PDCD6IP: variants seen among roughly 807,000 people sequenced by gnomAD.
The protein encoded by PDCD6IP is programmed cell death 6 interacting protein.
A neutral mutation model predicts 103.7 loss-of-function variants in PDCD6IP; 43 were observed. The ratio of observed to expected loss-of-function variants is 0.41; its 90% CI spans 0.32 to 0.53. PDCD6IP has a LOEUF of 0.53. PDCD6IP is among the 20% of genes least tolerant of loss of function. The pLI is 0.16. For synonymous variants in PDCD6IP, 354 were observed against 378.7 expected (o/e 0.93, Z 0.76); for missense variants, 871 against 1,036.7 (o/e 0.84, Z 2.20).
intron 9 of PDCD6IP, among the ~76,000 whole-genome samples, chr3:33,841,219 G>A (rs1029334284): frequency 6.6e-6 from 1 of 151,518 alleles, no homozygotes; most frequent in African/African-American, 2.4e-5. Flanking sequence ...GTAGAGATGG[G>A]GTTTCACCAT....
intron 7 of PDCD6IP, among the ~76,000 whole-genome samples, chr3:33,831,484 GA>G (rs1255132380): frequency 6.6e-6 from 1 of 151,876 alleles, no homozygotes; most frequent in Non-Finnish European, 1.5e-5. Context: ...TGCAATAAAA[GA>G]AAAAATAGTA....
intron 1 of PDCD6IP, among the ~76,000 whole-genome samples, chr3:33,805,008 T>C (rs1696560080): frequency 6.6e-6 from 1 of 152,194 alleles, no homozygotes; most frequent in African/African-American, 2.4e-5. Flanking sequence ...TGCAGTATTA[T>C]TTTGGCCATG....
chr3:33,863,648 A>C (rs1419149033), intron 15 of PDCD6IP, among the ~76,000 whole-genome samples: 1 of 152,180 alleles, frequency 6.6e-6, no homozygotes, highest in African/African-American at 2.4e-5. Context: ...ATACTACACT[A>C]TATCCATTTA....
chr3:33,816,561 C>T (rs1455987470), intron 3 of PDCD6IP, among the ~76,000 whole-genome samples: 1 of 151,052 alleles, frequency 6.6e-6, no homozygotes, highest in Non-Finnish European at 1.5e-5. Context: ...GATGATCATC[C>T]CAGGTCCAGG....
At chr3:33,809,667 A>C (rs1696674661) in intron 1 of PDCD6IP, among the ~76,000 whole-genome samples, 1 of 152,262 alleles carries the variant, frequency 6.6e-6, no homozygotes, top group Admixed American at 6.5e-5. Context: ...ATTCATTCAA[A>C]TATTGCTGAT....
intron 12 of PDCD6IP, among the ~76,000 whole-genome samples, chr3:33,845,956 A>G (rs1183385437): frequency 6.6e-6 from 1 of 152,186 alleles, no homozygotes; most frequent in Non-Finnish European, 1.5e-5. Flanking sequence ...ATTATTCTAT[A>G]CTCCTTTCCA....
chr3:33,853,811 A>G (rs1697770308), intron 13 of PDCD6IP, 68 bp from the exon 14 acceptor site: 3 of 1,206,410 alleles, frequency 2.5e-6, no homozygotes, highest in South Asian at 2.2e-5. Flanking sequence ...GAAAAGATCA[A>G]TAAAAATGTT....
intron 1 of PDCD6IP, among the ~76,000 whole-genome samples, chr3:33,804,367 TG>T (rs1188178717): frequency 2.6e-5 from 4 of 152,372 alleles, no homozygotes; most frequent in Middle Eastern, 3.4e-3. Flanking sequence ...CCCACCTGGC[TG>T]TCTCAATATT....
intron 3 of PDCD6IP, among the ~76,000 whole-genome samples, chr3:33,815,173 A>G (rs1239266091): frequency 6.7e-6 from 1 of 150,042 alleles, no homozygotes; most frequent in East Asian, 1.9e-4. Flanking sequence ...TTTATAGTAG[A>G]TATTATATAT....
intron 2 of PDCD6IP, 73 bp from the exon 3 acceptor site, chr3:33,813,486 T>C: frequency 2.2e-6 from 2 of 924,054 alleles, no homozygotes; most frequent in Non-Finnish European, 3.4e-6. Flanking sequence ...TGGATTTTTC[T>C]TCAAAGAAGA....
intron 4 of PDCD6IP, among the ~76,000 whole-genome samples, chr3:33,824,159 G>C (rs1289692571): frequency 6.6e-6 from 1 of 151,916 alleles, no homozygotes; most frequent in South Asian, 2.1e-4. Context: ...ATACTCTAGT[G>C]TTATAATACT....
intron 12 of PDCD6IP, among the ~76,000 whole-genome samples, chr3:33,851,406 T>C (rs757565517): frequency 2.1e-4 from 32 of 152,020 alleles, no homozygotes; most frequent in Non-Finnish European, 1.9e-4. Context: ...GAAGGGGTAT[T>C]TATGAATCAG....
chr3:33,832,667 T>C (rs1697267760), intron 7 of PDCD6IP, among the ~76,000 whole-genome samples: 1 of 152,214 alleles, frequency 6.6e-6, no homozygotes, highest in South Asian at 2.1e-4. Flanking sequence ...AGATTCACGG[T>C]ATATATTGGG....
chr3:33,823,019 C>T (rs1474573008), intron 4 of PDCD6IP, among the ~76,000 whole-genome samples: 1 of 151,930 alleles, frequency 6.6e-6, no homozygotes, highest in Non-Finnish European at 1.5e-5. Context: ...TAAATGATTA[C>T]TGTTAAATAA....
intron 3 of PDCD6IP, among the ~76,000 whole-genome samples, chr3:33,816,229 G>A (rs1191762512): frequency 2.6e-5 from 4 of 152,102 alleles, no homozygotes; most frequent in Non-Finnish European, 5.9e-5. Context: ...CCGGGTGGCC[G>A]GGTGCGGTGG....
At chr3:33,808,342 C>G (rs1282860594) in intron 1 of PDCD6IP, among the ~76,000 whole-genome samples, 1 of 152,182 alleles carries the variant, frequency 6.6e-6, no homozygotes, top group African/African-American at 2.4e-5. Flanking sequence ...GGTGGGATCA[C>G]AGCTCACTTC....
chr3:33,799,043 C>T (rs1286388993), intron 1 of PDCD6IP, 106 bp downstream of exon 1: 2 of 1,101,396 alleles, frequency 1.8e-6, no homozygotes, highest in Admixed American at 5.6e-5. Context: ...CGGAGCCGCC[C>T]CGTCCCGGCC....
rs111302151 is a variant in PDCD6IP at position 33,816,234 on chromosome 3, C to T, written c.334+2606C>T. Among the ~76,000 whole-genome samples, 317 of 152,204 alleles carry T rather than the reference C, an allele frequency of 2.1e-3. 3 individuals carry two copies. Among genetic ancestry groups the T allele is most frequent in the Middle Eastern group, 6.8e-3 (2 of 294 alleles). ...GGAAATATCTCCGGGTGGCCGGGTGCGGTGGCTCACGCCTGTAATCCCAGC... is the reference window on the plus strand; with the variant it reads ...GGAAATATCTCCGGGTGGCCGGGTGTGGTGGCTCACGCCTGTAATCCCAGC... On this transcript the variant is annotated intron_variant, in intron 3 of 17. Transcript: ENST00000307296.
intron 2 of PDCD6IP, among the ~76,000 whole-genome samples, chr3:33,813,071 C>CG (rs1423729381): frequency 6.6e-5 from 10 of 152,040 alleles, no homozygotes; most frequent in African/African-American, 2.4e-4. Flanking sequence ...GAACAAATCA[C>CG]GGGTATAGCT....
Sources: gnomAD v4.1 joint callset for allele counts (sites outside exome capture counted in the v4.1 genomes callset) on GRCh38, gnomAD v4.1.1 for gene constraint, MANE v1.5 for transcripts, NCBI Gene and HGNC (gene_info 2026-07-23, HGNC 2026-07-21) for gene names.